Variants in PRDM5 observed in about 807,000 individuals in gnomAD.
PRDM5 encodes PR domain zinc finger protein 5.
A neutral mutation model predicts 81.2 loss-of-function variants in PRDM5; 56 were observed. The observed-to-expected ratio is 0.69, with a 90% CI of 0.56 to 0.86. PRDM5 has a LOEUF of 0.86. Among genes scored for constraint, PRDM5 ranks in the 40% least tolerant of loss-of-function variants. PRDM5 has a pLI of 0.00. For missense variants in PRDM5, 697 were observed against 770.1 expected, an observed-to-expected ratio of 0.91 and a Z score of 1.12; for synonymous variants, 267 against 256.4, an observed-to-expected ratio of 1.04 and a Z score of -0.39.
At chr4:120,862,405 AT>A (rs1165337666) in intron 2 of PRDM5, among the ~76,000 whole-genome samples, 3 of 152,242 alleles carry the variant, frequency 2.0e-5, no homozygotes, top group African/African-American at 7.2e-5. Flanking sequence ...AATGAACTGC[AT>A]TCATTTCCAA....
At chr4:120,779,885 G>C in intron 12 of PRDM5, among the ~76,000 whole-genome samples, 1 of 151,960 alleles carries the variant, frequency 6.6e-6, no homozygotes, top group East Asian at 1.9e-4. Flanking sequence ...ACTCCAGCCT[G>C]GGTGACAGAG....
intron 2 of PRDM5, among the ~76,000 whole-genome samples, chr4:120,876,376 CAT>C: frequency 6.6e-6 from 1 of 152,282 alleles, no homozygotes; most frequent in African/African-American, 2.4e-5. Context: ...AATCATTTAA[CAT>C]ATGTAAAATT....
rs572105296 is a variant in PRDM5 at position 120,740,960 on chromosome 4, T to C, written c.1623+13593A>G. Among the ~76,000 whole-genome samples, 18 of 152,322 alleles carry C rather than the reference T, an allele frequency of 1.2e-4. No individual in the cohort carries two copies. In the East Asian group the frequency reaches 3.5e-3, roughly 29 times the overall value. ...GTGGACAGGCCACCCTTACTGTATC[T>C]GTAGGTGTGCACTTTGCTTATGCAG... is the stretch of plus-strand genomic sequence containing the variant. On this transcript the variant is annotated intron_variant, in intron 14 of 15. Coordinates refer to ENST00000264808, the MANE Select transcript of PRDM5 (RefSeq NM_018699.4).
chr4:120,903,274 G>A (rs1765410521), intron 2 of PRDM5, among the ~76,000 whole-genome samples: 1 of 152,170 alleles, frequency 6.6e-6, no homozygotes, highest in Non-Finnish European at 1.5e-5. Context: ...AGGAGGGAAG[G>A]CTCATTATCT....
At chr4:120,724,175 T>G (rs1739064908) in intron 14 of PRDM5, among the ~76,000 whole-genome samples, 2 of 152,146 alleles carry the variant, frequency 1.3e-5, no homozygotes, top group African/African-American at 4.8e-5. Context: ...TCAAGATAAT[T>G]CCCATGATTA....
intron 3 of PRDM5, among the ~76,000 whole-genome samples, chr4:120,849,048 T>C (rs1013033821): frequency 2.6e-5 from 4 of 152,166 alleles, no homozygotes; most frequent in African/African-American, 7.2e-5. Flanking sequence ...ATAGGAAAGA[T>C]AGAGAACTGG....
At chr4:120,873,774 G>A (rs951978646) in intron 2 of PRDM5, among the ~76,000 whole-genome samples, 9 of 152,106 alleles carry the variant, frequency 5.9e-5, no homozygotes, top group African/African-American at 2.2e-4. Flanking sequence ...GGCTTCATTT[G>A]CCTTTATTTG....
In PRDM5 at chr4:120,821,165, C is replaced by A; in HGVS notation, c.475+6G>T. The A allele has an allele frequency of 6.2e-7, 1 of 1,613,450 alleles. No homozygotes were observed. Among genetic ancestry groups the A allele is most frequent in the Non-Finnish European group, 8.5e-7 (1 of 1,179,420 alleles). ...TCTCCCAGATCACCAATTAAAGATG[C>A]AATACCTTTTCTGCCCGCTGTTGAT... On this transcript the variant is annotated splice_donor_region_variant and intron_variant, in intron 4 of 15. Coordinates refer to ENST00000264808, the MANE Select transcript of PRDM5 (RefSeq NM_018699.4).
At chr4:120,859,209 CTTT>C (rs373788259) in intron 2 of PRDM5, among the ~76,000 whole-genome samples, 2 of 134,718 alleles carry the variant, frequency 1.5e-5, no homozygotes, top group Non-Finnish European at 1.6e-5. Context: ...ACCATGTCAA[CTTT>C]TTTTTTTTTT....
At chr4:120,794,436 T>A (rs1751038433) in intron 10 of PRDM5, among the ~76,000 whole-genome samples, 1 of 151,946 alleles carries the variant, frequency 6.6e-6, no homozygotes, top group East Asian at 1.9e-4. Context: ...ATAAAATTTA[T>A]ACCAGGCAAA....
intron 3 of PRDM5, among the ~76,000 whole-genome samples, chr4:120,853,049 A>G (rs949377045): frequency 6.6e-6 from 1 of 152,138 alleles, no homozygotes; most frequent in African/African-American, 2.4e-5. Context: ...CCTTCTCCAT[A>G]AAGCCTTTCC....
chr4:120,877,582 A>C (rs1024687723), intron 2 of PRDM5, among the ~76,000 whole-genome samples: 2 of 152,188 alleles, frequency 1.3e-5, no homozygotes, highest in African/African-American at 4.8e-5. Flanking sequence ...AGGCGGGTGG[A>C]TCATCTGAGG....
At chr4:120,894,160 T>A (rs537351934) in intron 2 of PRDM5, among the ~76,000 whole-genome samples, 1 of 152,240 alleles carries the variant, frequency 6.6e-6, no homozygotes, top group Non-Finnish European at 1.5e-5. Context: ...TCCCTTGTAT[T>A]AACTTTTTAG....
chr4:120,816,831 C>T lies in PRDM5; in HGVS notation c.743+1G>A. On this transcript the variant is annotated splice_donor_variant, in intron 6 of 15. Coordinates refer to ENST00000264808, the MANE Select transcript of PRDM5 (RefSeq NM_018699.4). LOFTEE classifies it high-confidence loss of function. ...GCCATTTCATAACTCAGACACAAAACCTCGATGCTGAACTGAAGGAAGAAT... is the reference window on the plus strand; with the variant it reads ...GCCATTTCATAACTCAGACACAAAATCTCGATGCTGAACTGAAGGAAGAAT... 6.2e-7 allele frequency: 1 copy of T among 1,612,576 alleles called. No homozygotes were observed. Among genetic ancestry groups the T allele is most frequent in the Non-Finnish European group, 8.5e-7 (1 of 1,178,598 alleles).
At chr4:120,789,224 CA>C in intron 10 of PRDM5, among the ~76,000 whole-genome samples, 1 of 152,222 alleles carries the variant, frequency 6.6e-6, no homozygotes. Context: ...ATAAAAAATA[CA>C]TAAAATCTGT....
At chr4:120,719,593 G>T (rs1194328878) in intron 14 of PRDM5, among the ~76,000 whole-genome samples, 1 of 152,010 alleles carries the variant, frequency 6.6e-6, no homozygotes, top group Non-Finnish European at 1.5e-5. Flanking sequence ...TTCTACAATA[G>T]ACCTTATATA....
At chr4:120,735,584 G>A (rs1039057838) in intron 14 of PRDM5, among the ~76,000 whole-genome samples, 3 of 152,132 alleles carry the variant, frequency 2.0e-5, no homozygotes, top group African/African-American at 7.2e-5. Context: ...GCCAGGTCTG[G>A]AGGCTGGATG....
intron 3 of PRDM5, among the ~76,000 whole-genome samples, chr4:120,829,877 T>C (rs1756497592): frequency 6.6e-6 from 1 of 152,046 alleles, no homozygotes; most frequent in South Asian, 2.1e-4. Flanking sequence ...AAAAAGTCTC[T>C]GGACTGCTAT....
At chr4:120,838,698 C>T (rs917830791) in intron 3 of PRDM5, 2 of 154,204 alleles carry the variant, frequency 1.3e-5, no homozygotes, top group Non-Finnish European at 2.9e-5. Context: ...ACAGGTTTTG[C>T]ACTCCTATTA....
Sources: allele counts gnomAD v4.1 joint callset (sites outside exome capture counted in the v4.1 genomes callset), GRCh38; gene constraint gnomAD v4.1.1; transcripts MANE v1.5; gene names NCBI Gene and HGNC (gene_info 2026-07-23, HGNC 2026-07-21).